Variants in DCT observed in about 807,000 individuals in gnomAD.
The protein encoded by DCT is dopachrome tautomerase, also known as L-dopachrome tautomerase.
In DCT, 47 loss-of-function variants were observed where a neutral mutation model predicts 53.0. The ratio of observed to expected loss-of-function variants is 0.89; its 90% CI spans 0.70 to 1.13. The LOEUF is 1.13. Ranked by LOEUF, DCT falls within the 50% of genes most tolerant of loss-of-function variation. DCT has a pLI of 0.00. For synonymous variants in DCT, 244 were observed against 237.0 expected, an observed-to-expected ratio of 1.03 and a Z score of -0.27; for missense variants, 669 against 637.4, an observed-to-expected ratio of 1.05 and a Z score of -0.53.
At chr13:94,543,727 T>A in the DCT span, among the ~76,000 whole-genome samples, 4 of 152,160 alleles carry the variant, frequency 2.6e-5, no homozygotes, top group Admixed American at 6.5e-5. Context: ...TCCTTTTAAG[T>A]TGAGTTAATC....
At chr13:94,539,658 T>C in the DCT span, among the ~76,000 whole-genome samples, 14 of 152,340 alleles carry the variant, frequency 9.2e-5, 1 homozygote, top group African/African-American at 2.9e-4. Context: ...AATAGAGATA[T>C]AATTTATGGA....
At chr13:94,489,833 T>C in the DCT span, among the ~76,000 whole-genome samples, 1 of 152,168 alleles carries the variant, frequency 6.6e-6, no homozygotes, top group African/African-American at 2.4e-5. Flanking sequence ...ATAATTTTTT[T>C]CTGGAAACTA....
At position 94,465,729 on chromosome 13, in the gene DCT, A is replaced by T; in HGVS notation, c.767T>A (p.Val256Glu). The T allele has an allele frequency of 6.2e-7, 1 of 1,613,050 alleles. No individual in the cohort carries two copies. Among genetic ancestry groups the T allele is most frequent in the Non-Finnish European group, 8.5e-7 (1 of 1,179,638 alleles). The change falls in exon 4 of 8, where the codon GTG (valine) becomes GAG (glutamate). Residue 256 changes from valine to glutamate, a missense_variant. Coordinates refer to ENST00000377028, the MANE Select transcript of DCT (RefSeq NM_001922.5). ...TGCCCCAAACAGCTGGTCTGTACAC[A>T]CATCACACTCGTTCCTCCCAGTGGC... ...NFATGRNECD[V>E]CTDQLFGAAR...
the DCT span, among the ~76,000 whole-genome samples, chr13:94,513,771 G>C: frequency 6.6e-6 from 1 of 152,034 alleles, no homozygotes; most frequent in Non-Finnish European, 1.5e-5. Context: ...TGGATCACTT[G>C]AGATCAGAAG....
the DCT span, among the ~76,000 whole-genome samples, chr13:94,541,333 A>G: frequency 1.3e-5 from 2 of 152,024 alleles, no homozygotes; most frequent in Non-Finnish European, 1.5e-5. Flanking sequence ...CTGAAACCAC[A>G]TCTCTACTAA....
the DCT span, among the ~76,000 whole-genome samples, chr13:94,492,662 G>A: frequency 6.6e-6 from 1 of 151,994 alleles, no homozygotes; most frequent in African/African-American, 2.4e-5. Context: ...CCAAATTTGA[G>A]GTTTAATATA....
chr13:94,492,684 A>T, the DCT span, among the ~76,000 whole-genome samples: 1 of 152,178 alleles, frequency 6.6e-6, no homozygotes, highest in Admixed American at 6.5e-5. Flanking sequence ...TTTTTTTCAC[A>T]TTATTTATAA....
chr13:94,502,468 C>A, the DCT span, among the ~76,000 whole-genome samples: 1 of 152,298 alleles, frequency 6.6e-6, no homozygotes, highest in East Asian at 1.9e-4. Context: ...GTGGCCTGAG[C>A]TCCCAGCCTC....
chr13:94,499,751 T>C, the DCT span, among the ~76,000 whole-genome samples: 1 of 152,132 alleles, frequency 6.6e-6, no homozygotes, highest in African/African-American at 2.4e-5. Flanking sequence ...AATATTAAAC[T>C]GACCTCCCCT....
chr13:94,466,054 TA>T (rs930036725), intron 3 of DCT, among the ~76,000 whole-genome samples: 1 of 133,408 alleles, frequency 7.5e-6, no homozygotes, highest in African/African-American at 2.8e-5. Context: ...ATTCAGCCTT[TA>T]AAAAGGAGAC....
At chr13:94,543,351 C>G in the DCT span, among the ~76,000 whole-genome samples, 1 of 152,282 alleles carries the variant, frequency 6.6e-6, no homozygotes, top group African/African-American at 2.4e-5. Flanking sequence ...CACAAAGAAA[C>G]CACAACTCAG....
the DCT span, among the ~76,000 whole-genome samples, chr13:94,520,048 A>T: frequency 3.9e-5 from 6 of 152,330 alleles, no homozygotes; most frequent in East Asian, 1.2e-3. Flanking sequence ...TTGCTATTTA[A>T]CATTCTCAAT....
chr13:94,543,936 G>A, the DCT span, among the ~76,000 whole-genome samples: 3 of 151,804 alleles, frequency 2.0e-5, no homozygotes, highest in South Asian at 6.2e-4. Flanking sequence ...TCAGGAGACT[G>A]AGGCAGGAGA....
the DCT span, among the ~76,000 whole-genome samples, chr13:94,510,615 A>G: frequency 6.6e-6 from 1 of 152,208 alleles, no homozygotes; most frequent in Non-Finnish European, 1.5e-5. Context: ...TGATGTGGTT[A>G]TCAGGAAATT....
chr13:94,469,466 GGAAGACCACAT>G (rs1490653125), intron 1 of DCT, among the ~76,000 whole-genome samples: 1 of 152,126 alleles, frequency 6.6e-6, no homozygotes, highest in Non-Finnish European at 1.5e-5. Context: ...AGTTTTGGAA[GGAAGACCACAT>G]GAAGACACAG....
chr13:94,469,174 A>C, intron 1 of DCT, 129 bp from the exon 2 acceptor site: 2 of 743,638 alleles, frequency 2.7e-6, no homozygotes, highest in Admixed American at 5.2e-5. Context: ...AAGAAAGTCA[A>C]TTTTCCTCCC....
the DCT span, among the ~76,000 whole-genome samples, chr13:94,513,079 G>A: frequency 6.6e-6 from 1 of 152,232 alleles, no homozygotes; most frequent in African/African-American, 2.4e-5. Flanking sequence ...TGTATTTAAA[G>A]ACACAAAGGG....
At chr13:94,528,642 C>T in the DCT span, among the ~76,000 whole-genome samples, 1 of 152,134 alleles carries the variant, frequency 6.6e-6, no homozygotes, top group Admixed American at 6.5e-5. Context: ...CTGAAGGAAG[C>T]ACTAAACACA....
chr13:94,450,629 A>G (rs1317029093), intron 6 of DCT, among the ~76,000 whole-genome samples: 1 of 152,186 alleles, frequency 6.6e-6, no homozygotes, highest in Non-Finnish European at 1.5e-5. Flanking sequence ...ACCCTTGAGG[A>G]AAAAAAGCTT....
Sources: allele counts gnomAD v4.1 joint callset (sites outside exome capture counted in the v4.1 genomes callset), GRCh38; gene constraint gnomAD v4.1.1; transcripts MANE v1.5; gene names NCBI Gene and HGNC (gene_info 2026-07-23, HGNC 2026-07-21).